STK32B: variants seen among roughly 807,000 people sequenced by gnomAD.
STK32B encodes serine/threonine kinase 32B.
A neutral mutation model predicts 52.6 loss-of-function variants in STK32B; 43 were observed. The observed-to-expected ratio is 0.82, with a 90% CI of 0.64 to 1.05. The LOEUF is 1.05. Among genes scored for constraint, STK32B ranks in the 50% least tolerant of loss-of-function variants. STK32B has a pLI of 0.00. For missense variants in STK32B, 621 were observed against 534.6 expected (o/e 1.16, Z -1.59); for synonymous variants, 238 against 204.3 (o/e 1.17, Z -1.41).
intron 3 of STK32B, among the ~76,000 whole-genome samples, chr4:5,329,152 A>T (rs10008141): frequency 0.12 from 18,978 of 152,168 alleles, 1,600 homozygotes; most frequent in African/African-American, 0.23. Flanking sequence ...GCCTTTCAGC[A>T]CAGAACAGCC....
chr4:5,303,946 A>C (rs1288822743), intron 3 of STK32B, among the ~76,000 whole-genome samples: 1 of 151,998 alleles, frequency 6.6e-6, no homozygotes, highest in Non-Finnish European at 1.5e-5. Flanking sequence ...TCTTTTCCCC[A>C]CTTTATGGTT....
chr4:5,312,839 C>G, intron 3 of STK32B, among the ~76,000 whole-genome samples: 1 of 151,970 alleles, frequency 6.6e-6, no homozygotes, highest in Non-Finnish European at 1.5e-5. Context: ...GTTTCTAGTT[C>G]TAGATCCCTG....
chr4:5,479,865 G>A (rs570851653), intron 11 of STK32B, among the ~76,000 whole-genome samples: 108 of 152,172 alleles, frequency 7.1e-4, no homozygotes, highest in African/African-American at 2.5e-3. Flanking sequence ...GTTTTGGGGC[G>A]TTTCTTTTTT....
chr4:5,245,688 C>G (rs1027762328), intron 3 of STK32B, among the ~76,000 whole-genome samples: 2 of 152,158 alleles, frequency 1.3e-5, no homozygotes, highest in African/African-American at 2.4e-5. Flanking sequence ...TACAATTTGG[C>G]ATGTTTTCGC....
intron 3 of STK32B, among the ~76,000 whole-genome samples, chr4:5,245,697 G>A (rs951740553): frequency 1.1e-4 from 17 of 152,100 alleles, no homozygotes; most frequent in African/African-American, 3.1e-4. Context: ...GCATGTTTTC[G>A]CAGTGGCTGG....
chr4:5,072,851 TTTAA>T (rs1237865319), intron 1 of STK32B, among the ~76,000 whole-genome samples: 1 of 152,146 alleles, frequency 6.6e-6, no homozygotes, highest in Non-Finnish European at 1.5e-5. Context: ...TTCTATTATA[TTTAA>T]TTTTGTCAGT....
intron 3 of STK32B, among the ~76,000 whole-genome samples, chr4:5,239,569 G>C (rs1208470849): frequency 6.6e-6 from 1 of 152,006 alleles, no homozygotes; most frequent in East Asian, 1.9e-4. Flanking sequence ...CTTACTTCCA[G>C]GGCACCCCAG....
chr4:5,449,604 GGAACTGGCCGCACAGCA>G lies in STK32B; in HGVS notation c.666+2831_666+2847del, dbSNP rs569117462. ...CTGGGTACTGGCCTGTGGCCTGTTA[GGAACTGGCCGCACAGCA>G]GAGCAGGGGGTGAAGGTGAATGGCA... On this transcript the variant is annotated intron_variant, in intron 7 of 11. Coordinates refer to ENST00000282908, the MANE Select transcript of STK32B (RefSeq NM_018401.3). Among the ~76,000 whole-genome samples, 25 of 152,258 alleles carry G rather than the reference GGAACTGGCCGCACAGCA, an allele frequency of 1.6e-4. No homozygotes were observed. In the East Asian group the frequency reaches 4.3e-3, roughly 26 times the overall value.
At chr4:5,350,226 C>T (rs1733738873) in intron 4 of STK32B, among the ~76,000 whole-genome samples, 1 of 152,126 alleles carries the variant, frequency 6.6e-6, no homozygotes, top group Non-Finnish European at 1.5e-5. Flanking sequence ...AGCATCTAGT[C>T]ACTTATAAAG....
chr4:5,040,684 G>A, the STK32B span, among the ~76,000 whole-genome samples: 13 of 152,216 alleles, frequency 8.5e-5, no homozygotes, highest in East Asian at 1.7e-3. Context: ...CACTGCGCCC[G>A]GCCAAGCAGT....
At chr4:5,082,153 T>C in intron 1 of STK32B, among the ~76,000 whole-genome samples, 1 of 152,144 alleles carries the variant, frequency 6.6e-6, no homozygotes, top group East Asian at 1.9e-4. Flanking sequence ...TTTCTTAAGA[T>C]TGTGTTCTTA....
At chr4:5,435,214 TGTTGTTTCATGGAAG>T (rs1329937670) in intron 6 of STK32B, among the ~76,000 whole-genome samples, 1 of 152,260 alleles carries the variant, frequency 6.6e-6, no homozygotes, top group East Asian at 1.9e-4. Context: ...TAGTTGTTGT[TGTTGTTTCATGGAAG>T]GCCTTGGGGA....
intron 2 of STK32B, among the ~76,000 whole-genome samples, chr4:5,153,239 G>A (rs1433480381): frequency 6.6e-6 from 1 of 152,144 alleles, no homozygotes; most frequent in Non-Finnish European, 1.5e-5. Context: ...TAGAGGAAAG[G>A]GTACAGGCTT....
intron 4 of STK32B, among the ~76,000 whole-genome samples, chr4:5,337,915 C>G (rs1353505168): frequency 2.0e-5 from 3 of 152,084 alleles, no homozygotes; most frequent in Non-Finnish European, 4.4e-5. Context: ...ATGACTAAGT[C>G]TCCTGGGATT....
intron 11 of STK32B, among the ~76,000 whole-genome samples, chr4:5,471,350 CAAGAG>C (rs1053612113): frequency 3.9e-5 from 6 of 152,048 alleles, no homozygotes; most frequent in African/African-American, 1.2e-4. Flanking sequence ...TCTGTCCTGA[CAAGAG>C]AAGAGGTGCA....
chr4:5,373,464 A>C (rs1405569801), intron 4 of STK32B, among the ~76,000 whole-genome samples: 1 of 151,746 alleles, frequency 6.6e-6, no homozygotes, highest in African/African-American at 2.4e-5. Flanking sequence ...GGCAGAAAAA[A>C]CTCCCTTTTT....
intron 1 of STK32B, among the ~76,000 whole-genome samples, chr4:5,064,296 T>C (rs1212726274): frequency 2.8e-5 from 4 of 144,962 alleles, no homozygotes. Context: ...ATATTACATG[T>C]AAAGATATAT....
At chr4:5,427,590 A>G (rs1178554184) in intron 6 of STK32B, among the ~76,000 whole-genome samples, 3 of 152,136 alleles carry the variant, frequency 2.0e-5, no homozygotes, top group South Asian at 4.1e-4. Context: ...CTGTTTATCT[A>G]TTTCTTCAAG....
rs533735833 is a variant in STK32B, at chr4:5,370,836, G to A, written c.435-27371G>A. ...AAAATAAAAAAAATTAGCCAGATGTGGTGGTGCATGCCTGTAGTCCCAGCT... is the reference window on the plus strand; with the variant it reads ...AAAATAAAAAAAATTAGCCAGATGTAGTGGTGCATGCCTGTAGTCCCAGCT... On this transcript the variant is annotated intron_variant, in intron 4 of 11. Coordinates refer to ENST00000282908, the MANE Select transcript of STK32B (RefSeq NM_018401.3). 1.7e-3 allele frequency among the ~76,000 whole-genome samples: 254 copies of A among 151,972 alleles called. 1 individual carries two copies. The highest frequency in any genetic ancestry group is 5.0e-3 in the African/African-American group (207 of 41,412).
Sources: allele counts gnomAD v4.1 joint callset (sites outside exome capture counted in the v4.1 genomes callset), GRCh38; gene constraint gnomAD v4.1.1; transcripts MANE v1.5; gene names NCBI Gene and HGNC (gene_info 2026-07-23, HGNC 2026-07-21).